Variants in ROBO2 observed in about 807,000 individuals in gnomAD.
ROBO2 encodes roundabout guidance receptor 2.
In ROBO2, 53 loss-of-function variants were observed where a neutral mutation model predicts 160.8. The observed-to-expected ratio is 0.33, with a 90% CI of 0.26 to 0.41. The LOEUF (loss-of-function observed/expected upper bound fraction) is 0.41. ROBO2 is among the 10% of genes least tolerant of loss of function. ROBO2 has a pLI of 1.00. For missense variants in ROBO2, 1,577 were observed against 1,722.4 expected, an observed-to-expected ratio of 0.92 and a Z score of 1.49; for synonymous variants, 664 against 611.7, an observed-to-expected ratio of 1.09 and a Z score of -1.26.
At chr3:77,105,836 C>A (rs1306699323) in intron 2 of ROBO2, among the ~76,000 whole-genome samples, 6 of 152,008 alleles carry the variant, frequency 3.9e-5, no homozygotes, top group Admixed American at 3.9e-4. Flanking sequence ...TTCCCATAAA[C>A]AGTATAATTC....
chr3:75,994,730 A>C (rs775721748), intron 2 of ROBO2, among the ~76,000 whole-genome samples: 1 of 152,236 alleles, frequency 6.6e-6, no homozygotes, highest in Non-Finnish European at 1.5e-5. Flanking sequence ...AAAATGTGGA[A>C]GCAGCTTTGG....
chr3:77,174,344 CA>C lies in ROBO2; in HGVS notation c.388+76014del, dbSNP rs142122877. Among the ~76,000 whole-genome samples, 89 of 143,066 alleles carry C rather than the reference CA, an allele frequency of 6.2e-4. No homozygotes were observed. In the South Asian group the frequency reaches 9.6e-3, roughly 15 times the overall value. 93.9% of individuals were successfully genotyped at this position (143,066 alleles called of 152,430 possible). On this transcript the variant is annotated intron_variant, in intron 2 of 25. Coordinates refer to ENST00000461745, the Ensembl canonical transcript of ROBO2. Reference sequence around the variant, plus strand: ...TTTTAGAATATATAAATCACTCATGCAAAAAAAAAAGAGTTTTCTTTATACA... The same window carrying C: ...TTTTAGAATATATAAATCACTCATGCAAAAAAAAAGAGTTTTCTTTATACA...
intron 2 of ROBO2, among the ~76,000 whole-genome samples, chr3:76,865,197 T>C (rs1287252847): frequency 4.6e-5 from 7 of 152,134 alleles, no homozygotes; most frequent in Non-Finnish European, 1.0e-4. Flanking sequence ...CAAATTATCA[T>C]TGGTGAAGCA....
At chr3:76,060,667 C>G (rs2068043506) in intron 2 of ROBO2, among the ~76,000 whole-genome samples, 1 of 152,176 alleles carries the variant, frequency 6.6e-6, no homozygotes, top group Non-Finnish European at 1.5e-5. Context: ...CCCTTTACAA[C>G]TGTAAATAAC....
intron 2 of ROBO2, among the ~76,000 whole-genome samples, chr3:75,969,710 C>T (rs1461878826): frequency 6.6e-6 from 1 of 151,536 alleles, no homozygotes; most frequent in African/African-American, 2.4e-5. Flanking sequence ...TAAATAACAT[C>T]TATTCAGATA....
At chr3:76,626,756 G>T (rs1337426287) in intron 2 of ROBO2, among the ~76,000 whole-genome samples, 1 of 151,802 alleles carries the variant, frequency 6.6e-6, no homozygotes, top group Admixed American at 6.6e-5. Context: ...GCAGTGGCGT[G>T]ATCTCTGCTC....
rs563656021 is a variant in ROBO2 at position 77,217,680 on chromosome 3, C to T, written c.388+119340C>T. On this transcript the variant is annotated intron_variant, in intron 2 of 25. Coordinates refer to ENST00000461745, the Ensembl canonical transcript of ROBO2. The stretch of plus-strand genomic sequence containing the variant: ...GCTGCAATTACAGTGATTAATTGAT[C>T]CAAACTTATTAGCATGACACCTAAA... Among the ~76,000 whole-genome samples, 8 of 152,216 alleles carry T rather than the reference C, an allele frequency of 5.3e-5. No homozygotes were observed. The South Asian group carries it at 1.7e-3, about 32-fold the overall frequency.
At chr3:75,993,163 G>A (rs2065623224) in intron 2 of ROBO2, among the ~76,000 whole-genome samples, 1 of 152,158 alleles carries the variant, frequency 6.6e-6, no homozygotes, top group African/African-American at 2.4e-5. Flanking sequence ...GAGGACATGA[G>A]ATTTGGGAGG....
intron 2 of ROBO2, among the ~76,000 whole-genome samples, chr3:76,024,600 C>T (rs1395277223): frequency 5.3e-5 from 8 of 150,846 alleles, no homozygotes; most frequent in African/African-American, 9.7e-5. Context: ...AAAGAGTATT[C>T]GATATAAAAA....
chr3:77,048,834 T>C (rs1156897196), intron 1 of ROBO2, among the ~76,000 whole-genome samples: 1 of 152,224 alleles, frequency 6.6e-6, no homozygotes, highest in East Asian at 1.9e-4. Flanking sequence ...GACATACCTT[T>C]GGTGACCAGA....
intron 24 of ROBO2, 21 bp downstream of exon 25, chr3:77,635,064 C>T: frequency 6.2e-7 from 1 of 1,612,680 alleles, no homozygotes; most frequent in Non-Finnish European, 8.5e-7. Flanking sequence ...TCCCTTTACT[C>T]TTGTTTCCTC....
chr3:77,251,958 T>A (rs556642098), intron 2 of ROBO2, among the ~76,000 whole-genome samples: 1 of 152,350 alleles, frequency 6.6e-6, no homozygotes, highest in South Asian at 2.1e-4. Flanking sequence ...TTTTTTATTA[T>A]TTACATGGCC....
chr3:77,215,390 C>A (rs954094238), intron 2 of ROBO2, among the ~76,000 whole-genome samples: 6 of 152,152 alleles, frequency 3.9e-5, no homozygotes, highest in Non-Finnish European at 7.3e-5. Context: ...GAGGCTTGTG[C>A]ATTCATCATG....
intron 2 of ROBO2, among the ~76,000 whole-genome samples, chr3:75,980,214 C>G (rs960604186): frequency 2.0e-5 from 3 of 151,460 alleles, no homozygotes; most frequent in African/African-American, 7.3e-5. Flanking sequence ...CTCTGAACTC[C>G]TAGAATGTAT....
intron 2 of ROBO2, among the ~76,000 whole-genome samples, chr3:77,458,363 G>A (rs2153568726): frequency 6.6e-6 from 1 of 152,288 alleles, no homozygotes; most frequent in African/African-American, 2.4e-5. Context: ...AGTTTTGAAT[G>A]TTTTAATAAC....
chr3:76,225,481 A>C (rs1704227881), intron 2 of ROBO2, among the ~76,000 whole-genome samples: 1 of 152,158 alleles, frequency 6.6e-6, no homozygotes, highest in Non-Finnish European at 1.5e-5. Flanking sequence ...TTGGGAAGCC[A>C]ATGCAGGCAA....
At chr3:77,586,675 C>T (rs1415386599) in intron 16 of ROBO2, among the ~76,000 whole-genome samples, 1 of 151,744 alleles carries the variant, frequency 6.6e-6, no homozygotes, top group African/African-American at 2.4e-5. Flanking sequence ...GGATCCTTTA[C>T]AAAAATGAAG....
At chr3:77,042,326 T>G (rs920377455) in intron 1 of ROBO2, among the ~76,000 whole-genome samples, 1 of 152,212 alleles carries the variant, frequency 6.6e-6, no homozygotes, top group African/African-American at 2.4e-5. Flanking sequence ...ACAAAATAGG[T>G]TTACCTATTT....
intron 2 of ROBO2, among the ~76,000 whole-genome samples, chr3:76,497,832 A>G (rs1170078925): frequency 6.6e-6 from 1 of 151,418 alleles, no homozygotes; most frequent in Non-Finnish European, 1.5e-5. Context: ...TTCTGCCAGC[A>G]TTCCCAGCAT....
Sources: allele counts gnomAD v4.1 joint callset (sites outside exome capture counted in the v4.1 genomes callset), GRCh38; gene constraint gnomAD v4.1.1; transcripts MANE v1.5; gene names NCBI Gene and HGNC (gene_info 2026-07-23, HGNC 2026-07-21).